Variants in MID1 observed in about 807,000 individuals in gnomAD.
The protein encoded by MID1 is midline 1.
Under a neutral mutation model 40.4 loss-of-function variants are expected in MID1, and 7 were observed. That is an observed-to-expected ratio of 0.17 (90% CI 0.10 to 0.33). The LOEUF (loss-of-function observed/expected upper bound fraction) is 0.33, where lower values mean the gene tolerates loss of function less well. Ranked by LOEUF, MID1 falls within the 10% of genes least tolerant of loss-of-function variation. The pLI is 1.00. For missense variants in MID1, 367 were observed against 558.5 expected, an observed-to-expected ratio of 0.66 and a Z score of 3.46; for synonymous variants, 229 against 221.2, an observed-to-expected ratio of 1.04 and a Z score of -0.31.
At position 10,716,440 on chromosome X, in the gene MID1, A is replaced by T. The variant is rs770231204; in HGVS notation, c.-186-96021T>A. Among the ~76,000 whole-genome samples the T allele has an allele frequency of 1.8e-4, 20 of 112,260 alleles. 1 individual carries two copies. The South Asian group carries it at 7.1e-3, about 40-fold the overall frequency. ...GATTTGATCAACTGGAAGAAAGGGT[A>T]TCAGTGATGGAAGATCAAATGAATG... On this transcript the variant is annotated intron_variant, in intron 1 of 10. Coordinates refer to the MID1 transcript ENST00000380785.
chrX:10,621,337 G>A (rs1024423944), upstream of MID1, among the ~76,000 whole-genome samples: 1 of 111,868 alleles, frequency 8.9e-6, no homozygotes, highest in Non-Finnish European at 1.9e-5. Flanking sequence ...CAGGAGAGCT[G>A]GAGAAGTAGT....
intron 9 of MID1, among the ~76,000 whole-genome samples, chrX:10,453,294 C>T (rs778467188): frequency 8.0e-5 from 9 of 111,998 alleles, no homozygotes; most frequent in African/African-American, 2.9e-4. Flanking sequence ...ATAAAGGACT[C>T]AGCCATGTCA....
intron 2 of MID1, among the ~76,000 whole-genome samples, chrX:10,528,394 A>G (rs989613934): frequency 8.9e-6 from 1 of 111,831 alleles, no homozygotes; most frequent in African/African-American, 3.3e-5. Context: ...CCCCATTTCA[A>G]ACACTTGGGA....
At chrX:10,552,171 A>T (rs1290392109) in intron 2 of MID1, among the ~76,000 whole-genome samples, 1 of 28,318 alleles carries the variant, frequency 3.5e-5, no homozygotes, top group Non-Finnish European at 6.9e-5. Context: ...AAGGAGTGGT[A>T]AAAAAAAAAA....
intron 2 of MID1, among the ~76,000 whole-genome samples, chrX:10,543,758 A>G (rs1933569164): frequency 9.0e-6 from 1 of 110,979 alleles, no homozygotes. Context: ...CAGGAGAATC[A>G]CTGGAACCCG....
At chrX:10,528,840 T>C (rs960787321) in intron 2 of MID1, among the ~76,000 whole-genome samples, 7 of 112,422 alleles carry the variant, frequency 6.2e-5, no homozygotes, top group Non-Finnish European at 1.3e-4. Context: ...CTTTCACTTA[T>C]GGGCAGAAAG....
At chrX:10,469,663 A>G in intron 7 of MID1, 34 bp downstream of exon 7, 1 of 1,211,756 alleles carries the variant, frequency 8.3e-7, no homozygotes, top group Non-Finnish European at 1.1e-6. Context: ...GAAAGCCACC[A>G]AAGACAGAAA....
chrX:10,592,274 T>TAAAAAAA (rs144661774), intron 1 of MID1, among the ~76,000 whole-genome samples: 1 of 28,233 alleles, frequency 3.5e-5, no homozygotes, highest in African/African-American at 1.4e-4. Context: ...GGGACTGCGT[T>TAAAAAAA]AAAAAAAAAA....
At chrX:10,529,626 G>T (rs1932906264) in intron 2 of MID1, among the ~76,000 whole-genome samples, 1 of 111,621 alleles carries the variant, frequency 9.0e-6, no homozygotes, top group Non-Finnish European at 1.9e-5. Context: ...CCACTCCTGT[G>T]CTGTGCTCCT....
intron 2 of MID1, among the ~76,000 whole-genome samples, chrX:10,535,847 A>G (rs181441310): frequency 4.5e-5 from 5 of 112,156 alleles, no homozygotes; most frequent in Non-Finnish European, 9.4e-5. Flanking sequence ...ACGTCAACTC[A>G]GGCAAGAGCA....
rs1405983336 is a variant in MID1 at position 10,511,909 on chromosome X, T to G, written c.756+11183A>C. On this transcript the variant is annotated intron_variant, in intron 3 of 9. Coordinates refer to ENST00000317552, the MANE Select transcript of MID1 (RefSeq NM_000381.4). ...GCAATATTTTCAATAATTTTGTGCA[T>G]GAAACAAAGTTTGTGTTAAGTACTT... Among the ~76,000 whole-genome samples the G allele has an allele frequency of 8.0e-5, 9 of 112,418 alleles. No individual in the cohort carries two copies. The Admixed American group carries it at 8.5e-4, about 11-fold the overall frequency.
chrX:10,711,121 ACCTTTTAGTACCCTTCCTC>A (rs1404478326), intron 1 of MID1, among the ~76,000 whole-genome samples: 1 of 111,573 alleles, frequency 9.0e-6, no homozygotes, highest in Non-Finnish European at 1.9e-5. Flanking sequence ...ATGCAGTGGA[ACCTTTTAGTACCCTTCCTC>A]CCTTACTTCA....
chrX:10,692,407 C>T (rs996882246), intron 1 of MID1, among the ~76,000 whole-genome samples: 3 of 111,074 alleles, frequency 2.7e-5, no homozygotes, highest in Non-Finnish European at 3.8e-5. Context: ...CTGGTTCCCC[C>T]GATAGAGACC....
At chrX:10,473,079 T>C (rs1352506661) in intron 6 of MID1, among the ~76,000 whole-genome samples, 2 of 113,053 alleles carry the variant, frequency 1.8e-5, no homozygotes, top group Non-Finnish European at 3.7e-5. Flanking sequence ...AGCCACGAGC[T>C]ACATGTGGTG....
chrX:10,808,027 G>C (rs2044060033), intron 1 of MID1, among the ~76,000 whole-genome samples: 1 of 112,601 alleles, frequency 8.9e-6, no homozygotes, highest in Non-Finnish European at 1.9e-5. Context: ...ATTCTTCAAA[G>C]ACTGCATGTA....
At chrX:10,523,208 A>G in intron 2 of MID1, 21 bp from the exon 3 acceptor site, 1 of 1,040,296 alleles carries the variant, frequency 9.6e-7, no homozygotes, top group Non-Finnish European at 1.3e-6. Flanking sequence ...AAAAAAAAAA[A>G]AGAGGAAAAA....
In MID1 at chrX:10,448,235, GCA is replaced by G. The variant is rs1426890236; in HGVS notation, c.*1131_*1132del. 9.1e-6 allele frequency: 1 copy of G among 110,431 alleles called. No homozygotes were observed. The highest frequency in any genetic ancestry group is 3.3e-5 in the African/African-American group (1 of 30,248). 9.1% of individuals were successfully genotyped at this position (110,431 alleles called of 1,213,427 possible). On this transcript the variant is annotated 3_prime_UTR_variant, in exon 10 of 10. Coordinates refer to ENST00000317552, the MANE Select transcript of MID1 (RefSeq NM_000381.4). ...TAATAACTTTTGAGGCATGAATCTA[GCA>G]AATAGTACTTTATACAATGTCCCTT...
intron 1 of MID1, among the ~76,000 whole-genome samples, chrX:10,727,550 T>C (rs1401224524): frequency 8.9e-6 from 1 of 112,555 alleles, no homozygotes; most frequent in Non-Finnish European, 1.9e-5. Context: ...GCAATTTTTT[T>C]TCAAGACTTG....
At chrX:10,669,204 C>T (rs2042971483) in intron 1 of MID1, among the ~76,000 whole-genome samples, 1 of 84,743 alleles carries the variant, frequency 1.2e-5, no homozygotes, top group Non-Finnish European at 2.1e-5. Context: ...CCGGCCTGGG[C>T]GACAGAGTGA....
Sources: allele counts gnomAD v4.1 joint callset (sites outside exome capture counted in the v4.1 genomes callset), GRCh38; gene constraint gnomAD v4.1.1; transcripts MANE v1.5; gene names NCBI Gene and HGNC (gene_info 2026-07-23, HGNC 2026-07-21).